The following ZNF66 variants were observed in gnomAD, a reference collection of about 807,000 sequenced individuals.
The protein encoded by ZNF66 is zinc finger protein 66.
Under a neutral mutation model 35.2 loss-of-function variants are expected in ZNF66, and 32 were observed. That is an observed-to-expected ratio of 0.91 (90% CI 0.69 to 1.22). The LOEUF (loss-of-function observed/expected upper bound fraction) is 1.22. ZNF66 is among the 50% of genes most tolerant of loss of function. The probability of loss-of-function intolerance (pLI) is 0.00; values close to 1 mark genes in which losing one functional copy is unlikely to be tolerated. For synonymous variants in ZNF66, 231 were observed against 181.3 expected, an observed-to-expected ratio of 1.27 and a Z score of -2.20; for missense variants, 666 against 543.1, an observed-to-expected ratio of 1.23 and a Z score of -2.25.
intron 1 of ZNF66, among the ~76,000 whole-genome samples, chr19:20,779,701 C>T (rs566359427): frequency 2.7e-5 from 4 of 149,076 alleles, no homozygotes; most frequent in Non-Finnish European, 4.4e-5. Context: ...CTGAGGTGGG[C>T]GGATCACCTG....
At chr19:20,785,691 A>G (rs955037969) in intron 1 of ZNF66, among the ~76,000 whole-genome samples, 2 of 151,478 alleles carry the variant, frequency 1.3e-5, no homozygotes, top group African/African-American at 2.4e-5. Context: ...TGAAGAAACC[A>G]TTTTCTTTTT....
At chr19:20,805,440 T>C (rs1971492420) in intron 3 of ZNF66, among the ~76,000 whole-genome samples, 1 of 152,086 alleles carries the variant, frequency 6.6e-6, no homozygotes, top group Non-Finnish European at 1.5e-5. Context: ...GATCAACCCA[T>C]GTCAGCCTCC....
At chr19:20,792,998 T>C (rs113940657) in intron 2 of ZNF66, among the ~76,000 whole-genome samples, 14,079 of 150,776 alleles carry the variant, frequency 0.093, 675 homozygotes, top group Middle Eastern at 0.11. Flanking sequence ...ACTCAGGAGG[T>C]GAAGGTTGCA....
intron 1 of ZNF66, 74 bp downstream of exon 1, chr19:20,776,524 T>C (rs1461670314): frequency 1.4e-6 from 2 of 1,466,288 alleles, no homozygotes; most frequent in Non-Finnish European, 1.9e-6. Context: ...CTCAGTCAGC[T>C]CCACAATCTG....
Position 20,806,562 on chromosome 19 carries a change from C to G in ZNF66, c.962C>G (p.Ala321Gly). Reference protein sequence around the residue: ...KPYKCEECGKAFNWSSHLTTH... With the variant: ...KPYKCEECGKGFNWSSHLTTH... Reference sequence around the variant, plus strand: ...TACAAATGTGAAGAATGTGGTAAAGCCTTCAACTGGTCCTCACACCTTACT... The same window carrying G: ...TACAAATGTGAAGAATGTGGTAAAGGCTTCAACTGGTCCTCACACCTTACT... Residue 321 changes from alanine to glycine, a missense_variant, in exon 4 of 4, where the codon GCC becomes GGC. Coordinates refer to ENST00000344519, the MANE Select transcript of ZNF66 (RefSeq NM_001355197.2). The G allele has an allele frequency of 1.9e-6, 3 of 1,571,608 alleles. No homozygotes were observed. The highest frequency in any genetic ancestry group is 2.6e-6 in the Non-Finnish European group (3 of 1,143,038).
In ZNF66 at chr19:20,806,041, T is replaced by C; in HGVS notation, c.441T>C (p.Cys147=). The C allele has an allele frequency of 1.2e-6, 1 of 832,388 alleles. No individual in the cohort carries two copies. The highest frequency in any genetic ancestry group is 2.1e-6 in the Non-Finnish European group (1 of 484,914). The allele number at this position is 832,388 out of a possible 1,614,324, so 51.6% of individuals were successfully genotyped here. A position where few individuals can be genotyped will look rare whatever the true frequency, so the allele number is the denominator to read the frequency against. ...LTTTQSKMFQ[C]DKHGKVFHQF... is the part of the protein sequence containing the mutation. The stretch of plus-strand genomic sequence containing the variant: ...CTACCCAAAGCAAAATGTTTCAATG[T>C]GATAAACATGGGAAAGTCTTTCATC... The change falls in exon 4 of 4, where the codon TGT becomes TGC. Residue 147 remains cysteine, a synonymous_variant. Coordinates refer to ENST00000344519, the MANE Select transcript of ZNF66 (RefSeq NM_001355197.2).
chr19:20,803,407 A>G (rs1169479072), intron 3 of ZNF66, among the ~76,000 whole-genome samples: 2 of 151,710 alleles, frequency 1.3e-5, no homozygotes, highest in African/African-American at 4.8e-5. Flanking sequence ...CTGGGATTAC[A>G]TAAAACCTCT....
intron 1 of ZNF66, among the ~76,000 whole-genome samples, chr19:20,779,465 G>A (rs573012014): frequency 1.9e-4 from 29 of 152,288 alleles, no homozygotes; most frequent in Admixed American, 7.2e-4. Flanking sequence ...TGTTGACTCA[G>A]ACTGAGGGTA....
intron 3 of ZNF66, among the ~76,000 whole-genome samples, chr19:20,801,061 A>G (rs1971443090): frequency 6.6e-6 from 1 of 152,138 alleles, no homozygotes; most frequent in South Asian, 2.1e-4. Flanking sequence ...TTCCTGCTAA[A>G]TCAATTCACT....
chr19:20,791,915 C>A (rs1295559263), intron 1 of ZNF66, among the ~76,000 whole-genome samples: 2 of 152,058 alleles, frequency 1.3e-5, no homozygotes, highest in African/African-American at 4.8e-5. Flanking sequence ...ATCATTTAAT[C>A]TGGCAGCTGT....
In ZNF66 at chr19:20,809,366, GAC is replaced by G. The variant is rs1350723604; in HGVS notation, c.*2048_*2049del. The stretch of plus-strand genomic sequence containing the variant: ...TACTCCTTGAGAAGAGCAACTCCAA[GAC>G]ACATAATTGTCAGATTCACCAAAGT... On this transcript the variant is annotated 3_prime_UTR_variant, in exon 4 of 4. Transcript: ENST00000344519. 1.3e-5 allele frequency among the ~76,000 whole-genome samples: 2 copies of G among 151,906 alleles called. No homozygotes were observed. Among genetic ancestry groups the G allele is most frequent in the Non-Finnish European group, 2.9e-5 (2 of 67,996 alleles).
rs746505330 is a variant in ZNF66, at chr19:20,793,773, G to T, written c.131-10G>T. 1.1e-6 allele frequency: 1 copy of T among 937,368 alleles called. No individual in the cohort carries two copies. Among genetic ancestry groups the T allele is most frequent in the Non-Finnish European group, 1.5e-6 (1 of 649,290 alleles). The allele number at this position is 937,368 out of a possible 1,614,324, so 58.1% of individuals were successfully genotyped here. A position where few individuals can be genotyped will look rare whatever the true frequency, so the allele number is the denominator to read the frequency against. The stretch of plus-strand genomic sequence containing the variant: ...AGCAAGATTCATGTTATTTATTTTT[G>T]ATAAAACAGGTATTGTTGTCTCAAA... On this transcript the variant is annotated splice_polypyrimidine_tract_variant and intron_variant, in intron 2 of 3. Coordinates refer to ENST00000344519, the MANE Select transcript of ZNF66 (RefSeq NM_001355197.2).
At chr19:20,780,683 C>T (rs1971237653) in intron 1 of ZNF66, among the ~76,000 whole-genome samples, 4 of 151,894 alleles carry the variant, frequency 2.6e-5, no homozygotes, top group Admixed American at 2.6e-4. Context: ...GATTTGGTGC[C>T]AGAAAAAAGA....
chr19:20,796,733 A>G (rs556954474), intron 3 of ZNF66, among the ~76,000 whole-genome samples: 6 of 152,310 alleles, frequency 3.9e-5, no homozygotes, highest in African/African-American at 1.2e-4. Flanking sequence ...AGAATCTTCT[A>G]TTTATAATTA....
At position 20,776,547 on chromosome 19, in the gene ZNF66, TC is replaced by T. The variant is rs1026052827; in HGVS notation, c.3+99del. On this transcript the variant is annotated intron_variant, in intron 1 of 3. Coordinates refer to ENST00000344519, the MANE Select transcript of ZNF66 (RefSeq NM_001355197.2). ...GCTCCACAATCTGCACCCCGAATTC[TC>T]CTTACCCAGCTCTGCCTCAGTCCCA... 5 of 1,410,694 alleles carry T rather than the reference TC, an allele frequency of 3.5e-6. No homozygotes were observed. The Admixed American group carries it at 5.1e-5, about 14-fold the overall frequency. 87.4% of individuals were successfully genotyped at this position (1,410,694 alleles called of 1,614,324 possible). A position where few individuals can be genotyped will look rare whatever the true frequency, so the allele number is the denominator to read the frequency against.
chr19:20,801,687 G>C (rs1971448887), intron 3 of ZNF66, among the ~76,000 whole-genome samples: 1 of 151,964 alleles, frequency 6.6e-6, no homozygotes, highest in Non-Finnish European at 1.5e-5. Context: ...CAACCAGGCT[G>C]ATTTGCATGG....
intron 3 of ZNF66, among the ~76,000 whole-genome samples, chr19:20,801,711 G>A (rs35187472): frequency 0.094 from 14,248 of 151,890 alleles, 794 homozygotes; most frequent in Non-Finnish European, 0.12. Flanking sequence ...ACGGCTGCTT[G>A]AACCTCCCAA....
chr19:20,807,375 T>A lies in ZNF66; in HGVS notation c.*53T>A. ...GATAATTCATACTGGAGAGAAACCC[T>A]ATGAGTTTGATGAATGTGGGAAAGA... is the stretch of plus-strand genomic sequence containing the variant. On this transcript the variant is annotated 3_prime_UTR_variant, in exon 4 of 4. Coordinates refer to ENST00000344519, the MANE Select transcript of ZNF66 (RefSeq NM_001355197.2). 1.7e-6 allele frequency: 1 copy of A among 573,396 alleles called. No individual in the cohort carries two copies. Among genetic ancestry groups the A allele is most frequent in the Non-Finnish European group, 3.1e-6 (1 of 320,360 alleles). The allele number at this position is 573,396 out of a possible 1,614,324, so 35.5% of individuals were successfully genotyped here.
chr19:20,785,993 C>T (rs1233555996), intron 1 of ZNF66, among the ~76,000 whole-genome samples: 1 of 145,250 alleles, frequency 6.9e-6, no homozygotes, highest in Non-Finnish European at 1.5e-5. Context: ...AACTCCTGAC[C>T]TCAGTTGATC....
Sources: gnomAD v4.1 joint callset for allele counts (sites outside exome capture counted in the v4.1 genomes callset) on GRCh38, gnomAD v4.1.1 for gene constraint, MANE v1.5 for transcripts, NCBI Gene and HGNC (gene_info 2026-07-23, HGNC 2026-07-21) for gene names.